Variants in USP42 observed in about 807,000 individuals in gnomAD.
The protein encoded by USP42 is ubiquitin carboxyl-terminal hydrolase 42.
USP42 carries 23 observed loss-of-function variants against 113.0 expected under a neutral mutation model. The ratio of observed to expected loss-of-function variants is 0.20; its 90% CI spans 0.15 to 0.29. The LOEUF is 0.29. USP42 is among the 10% of genes least tolerant of loss of function. USP42 has a pLI of 1.00. For synonymous variants in USP42, 933 were observed against 699.0 expected (o/e 1.33, Z -5.28); for missense variants, 2,174 against 1,779.8 (o/e 1.22, Z -3.99).
rs376617636 is a variant in USP42 at position 6,150,473 on chromosome 7, G to C, written c.2168G>C (p.Ser723Thr). ...EDKILETFRLSNKLKGSTDEM... is the reference protein window; with the variant it reads ...EDKILETFRLTNKLKGSTDEM... ...AAAATCTTAGAGACCTTCAGGCTTA[G>C]CAACAAACTGAAAGGCTCGACGGAT... The change falls in exon 14 of 18, where the codon AGC becomes ACC. Residue 723 changes from serine to threonine, a missense_variant. Ser to Thr is a moderately conservative substitution (Grantham distance 58). Transcript: ENST00000306177. The C allele has an allele frequency of 5.6e-6, 9 of 1,613,854 alleles. No individual in the cohort carries two copies. Among genetic ancestry groups the C allele is most frequent in the Admixed American group, 1.7e-5 (1 of 60,000 alleles).
At chr7:6,148,683 C>T (rs969673623) in intron 12 of USP42, among the ~76,000 whole-genome samples, 2 of 152,194 alleles carry the variant, frequency 1.3e-5, no homozygotes, top group African/African-American at 2.4e-5. Context: ...GTGGGGGCCT[C>T]ATCTGAGCTG....
At chr7:6,088,716 A>G in the USP42 span, 1 of 151,232 alleles carries the variant, frequency 6.6e-6, no homozygotes, top group Admixed American at 6.6e-5. Flanking sequence ...CTGAGAATTT[A>G]TAATTTTCTC....
chr7:6,154,193 C>A lies in USP42; in HGVS notation c.2639C>A (p.Ala880Asp). 1 of 1,601,824 alleles carries A rather than the reference C, an allele frequency of 6.2e-7. No individual in the cohort carries two copies. Among genetic ancestry groups the A allele is most frequent in the Non-Finnish European group, 8.5e-7 (1 of 1,176,326 alleles). The change falls in exon 15 of 18, where the codon GCC (alanine) becomes GAC (aspartate). Residue 880 changes from alanine (A) to aspartate (D), a missense_variant. Ala to Asp is a moderately radical substitution (Grantham distance 126). Transcript: ENST00000306177. ...CTTGTTCACCCCAGCGGGGACCACG[C>A]CCGGGACGCTCAGGACCCATCCCAG... ...PLLVHPSGDH[A>D]RDAQDPSQSL...
intron 3 of USP42, among the ~76,000 whole-genome samples, chr7:6,116,103 CAA>C (rs1363199312): frequency 1.9e-4 from 14 of 72,132 alleles, no homozygotes; most frequent in Admixed American, 3.0e-4. Flanking sequence ...GACCCTGTCT[CAA>C]AAAAAAAAAA....
the USP42 span, among the ~76,000 whole-genome samples, chr7:6,086,659 C>G: frequency 6.7e-6 from 1 of 149,918 alleles, no homozygotes; most frequent in South Asian, 2.1e-4. Flanking sequence ...TCCTTTCCTC[C>G]TTCCCTTCCC....
At chr7:6,153,280 A>AG (rs1782177941) in intron 14 of USP42, among the ~76,000 whole-genome samples, 1 of 149,028 alleles carries the variant, frequency 6.7e-6, no homozygotes, top group Non-Finnish European at 1.5e-5. Context: ...CCTTCAAAAA[A>AG]ACAAAACAAA....
At chr7:6,119,279 C>A (rs1476071644) in intron 3 of USP42, among the ~76,000 whole-genome samples, 1 of 152,050 alleles carries the variant, frequency 6.6e-6, no homozygotes, top group Non-Finnish European at 1.5e-5. Context: ...TATGCTGTAG[C>A]CTGGGCAACA....
In USP42 at chr7:6,159,394, G is replaced by A; in HGVS notation, c.3944-56G>A. 6.2e-7 allele frequency: 1 copy of A among 1,612,938 alleles called. No individual in the cohort carries two copies. On this transcript the variant is annotated intron_variant, in intron 16 of 17. Coordinates refer to ENST00000306177, the MANE Select transcript of USP42 (RefSeq NM_032172.3). The surrounding 1 kb of genome is among the most constrained non-coding windows in gnomAD (Gnocchi z 4.1). ...CACTTAACGCACACACACAGCAGAG[G>A]CCCTGGCGATTTTGCAACCATCATT...
chr7:6,157,188 C>G lies in USP42; in HGVS notation c.3943+133C>G, dbSNP rs1782502952. 3 of 1,433,152 alleles carry G rather than the reference C, an allele frequency of 2.1e-6. No individual in the cohort carries two copies. Among genetic ancestry groups the G allele is most frequent in the Non-Finnish European group, 2.7e-6 (3 of 1,099,018 alleles). 88.8% of individuals were successfully genotyped at this position (1,433,152 alleles called of 1,614,324 possible). Reference sequence around the variant, plus strand: ...CACAGTTACTCAGAGCACCCCTGCCCTGCCTGGTCTGGCCTCAGTGCTCAT... The same window carrying G: ...CACAGTTACTCAGAGCACCCCTGCCGTGCCTGGTCTGGCCTCAGTGCTCAT... On this transcript the variant is annotated intron_variant, in intron 16 of 17. Transcript: ENST00000306177. This position sits in a 1 kb window ranked among gnomAD's most constrained non-coding sequence, Gnocchi z 4.1.
chr7:6,153,622 T>G, intron 14 of USP42, 134 bp from the exon 15 acceptor site: 1 of 1,174,634 alleles, frequency 8.5e-7, no homozygotes, highest in Non-Finnish European at 1.1e-6. Context: ...AGCCTGAAAC[T>G]TAAAGTATAA....
chr7:6,123,024 C>A (rs989238274), intron 3 of USP42, among the ~76,000 whole-genome samples: 2 of 150,898 alleles, frequency 1.3e-5, no homozygotes, highest in Admixed American at 6.6e-5. Flanking sequence ...GGGGTTTCGC[C>A]CGTGTTGGCT....
chr7:6,156,449 G>C (rs1404692832), intron 15 of USP42, among the ~76,000 whole-genome samples: 6 of 152,054 alleles, frequency 3.9e-5, no homozygotes, highest in African/African-American at 1.4e-4. Context: ...TACAGTGAAG[G>C]CAAACTTGTT....
At chr7:6,132,162 G>C (rs1458759920) in intron 3 of USP42, among the ~76,000 whole-genome samples, 1 of 152,082 alleles carries the variant, frequency 6.6e-6, no homozygotes, top group African/African-American at 2.4e-5. Flanking sequence ...CTAGGCTCAA[G>C]CGATCCACCC....
chr7:6,157,088 A>G lies in USP42; in HGVS notation c.3943+33A>G. On this transcript the variant is annotated intron_variant, in intron 16 of 17. Coordinates refer to ENST00000306177, the MANE Select transcript of USP42 (RefSeq NM_032172.3). The surrounding 1 kb of genome is among the most constrained non-coding windows in gnomAD (Gnocchi z 4.1). ...GAGATACTTGGAATTAGGAAGATAG[A>G]AACTATTTCTTAATACATTTTCTTT... The G allele has an allele frequency of 3.9e-6, 6 of 1,533,006 alleles. No homozygotes were observed. The highest frequency in any genetic ancestry group is 5.2e-6 in the Non-Finnish European group (6 of 1,145,028). The allele number at this position is 1,533,006 out of a possible 1,614,324, so 95.0% of individuals were successfully genotyped here. A position where few individuals can be genotyped will look rare whatever the true frequency, so the allele number is the denominator to read the frequency against.
At position 6,111,355 on chromosome 7, in the gene USP42, A is replaced by G. The variant is rs1779586570; in HGVS notation, c.222A>G (p.Pro74=). The G allele has an allele frequency of 6.2e-7, 1 of 1,611,964 alleles. No homozygotes were observed. The highest frequency in any genetic ancestry group is 8.5e-7 in the Non-Finnish European group (1 of 1,178,890). The change falls in exon 2 of 18, where the codon CCA becomes CCG. Residue 74 remains proline, a synonymous_variant. Coordinates refer to ENST00000306177, the MANE Select transcript of USP42 (RefSeq NM_032172.3). ...SSSSVPDKSK[P]SPQKDQALGD... ...CATCTGTACCTGATAAATCAAAACCATCACCACAAAAGGATCAAGGTACTG... is the reference window on the plus strand; with the variant it reads ...CATCTGTACCTGATAAATCAAAACCGTCACCACAAAAGGATCAAGGTACTG...
chr7:6,155,005 T>G lies in USP42; in HGVS notation c.3451T>G (p.Phe1151Val). 1 of 1,564,522 alleles carries G rather than the reference T, an allele frequency of 6.4e-7. No homozygotes were observed. The highest frequency in any genetic ancestry group is 8.7e-7 in the Non-Finnish European group (1 of 1,154,404). ...AGDNCNLSDR[F>V]HEHENGKSRK... is the part of the protein sequence containing the mutation. ...AGACAACTGTAACCTCTCTGATCGG[T>G]TTCACGAACACGAAAATGGAAAGTC... is the stretch of plus-strand genomic sequence containing the variant. Residue 1151 changes from phenylalanine (F) to valine (V), a missense_variant, in exon 15 of 18, where the codon TTT becomes GTT. Transcript: ENST00000306177.
At chr7:6,105,205 G>A (rs1244141932) in intron 1 of USP42, among the ~76,000 whole-genome samples, 173 bp downstream of exon 1, 1 of 144,644 alleles carries the variant, frequency 6.9e-6, no homozygotes, top group Non-Finnish European at 1.5e-5. Context: ...CCGGGACCCC[G>A]CCGCTCTGGG....
chr7:6,084,833 C>T, the USP42 span, among the ~76,000 whole-genome samples: 2 of 150,496 alleles, frequency 1.3e-5, no homozygotes, highest in Non-Finnish European at 1.5e-5. Flanking sequence ...AGTCTCCTGC[C>T]TCAGCCTTCT....
intron 3 of USP42, among the ~76,000 whole-genome samples, chr7:6,121,636 TG>T (rs1446136687): frequency 2.0e-5 from 3 of 152,192 alleles, no homozygotes; most frequent in Non-Finnish European, 2.9e-5. Context: ...CAGTTTCTCA[TG>T]GGCAGGTTTT....
Sources: gnomAD v4.1 joint callset for allele counts (sites outside exome capture counted in the v4.1 genomes callset) on GRCh38, gnomAD v4.1.1 for gene constraint, Gnocchi (gnomAD v3.1) non-coding constraint, MANE v1.5 for transcripts, NCBI Gene and HGNC (gene_info 2026-07-23, HGNC 2026-07-21) for gene names.